ANOS1: variants seen among roughly 807,000 people sequenced by gnomAD.
The protein encoded by ANOS1 is anosmin-1.
A neutral mutation model predicts 59.0 loss-of-function variants in ANOS1; 6 were observed. That is an observed-to-expected ratio of 0.10 (90% CI 0.06 to 0.20). ANOS1 has a LOEUF of 0.20. Among genes scored for constraint, ANOS1 ranks in the 10% least tolerant of loss-of-function variants. ANOS1 has a pLI of 1.00. For missense variants in ANOS1, 433 were observed against 542.3 expected (o/e 0.80, Z 2.00); for synonymous variants, 217 against 223.4 (o/e 0.97, Z 0.25).
chrX:8,682,392 C>G (rs919282584), intron 2 of ANOS1, among the ~76,000 whole-genome samples: 1 of 102,338 alleles, frequency 9.8e-6, no homozygotes, highest in African/African-American at 4.2e-5. Flanking sequence ...ACAAAAGGGA[C>G]TGGAGCAACA....
intron 6 of ANOS1, among the ~76,000 whole-genome samples, chrX:8,574,160 T>G (rs1930280397): frequency 9.0e-6 from 1 of 110,911 alleles, no homozygotes; most frequent in Admixed American, 9.6e-5. Context: ...ATGCTGTTTC[T>G]TGGAGAGGAA....
intron 2 of ANOS1, among the ~76,000 whole-genome samples, chrX:8,633,481 A>C (rs1931523449): frequency 8.9e-6 from 1 of 111,975 alleles, no homozygotes; most frequent in South Asian, 3.8e-4. Flanking sequence ...CCTTCTTTGC[A>C]TTCCTATTTT....
At chrX:8,681,307 A>T (rs774872143) in intron 2 of ANOS1, among the ~76,000 whole-genome samples, 21 of 112,424 alleles carry the variant, frequency 1.9e-4, no homozygotes, top group Admixed American at 7.5e-4. Context: ...GAACCCTGCA[A>T]GGGTAAAAGG....
chrX:8,587,742 G>A (rs1353100635), intron 5 of ANOS1, 52 bp downstream of exon 5: 9 of 1,019,233 alleles, frequency 8.8e-6, no homozygotes, highest in Admixed American at 2.5e-5. Context: ...GCGTAGCTAT[G>A]TAGCAGACAC....
intron 2 of ANOS1, among the ~76,000 whole-genome samples, chrX:8,649,983 G>A (rs1331416906): frequency 8.9e-6 from 1 of 112,876 alleles, no homozygotes; most frequent in African/African-American, 3.2e-5. Flanking sequence ...ACATAAGCTT[G>A]CATCTCACAT....
intron 8 of ANOS1, among the ~76,000 whole-genome samples, chrX:8,561,431 C>T (rs1338852096): frequency 9.5e-6 from 1 of 105,070 alleles, no homozygotes; most frequent in Non-Finnish European, 1.9e-5. Flanking sequence ...TCCAGAGTAG[C>T]TGGGACTACA....
chrX:8,603,765 A>T (rs1006177405), intron 3 of ANOS1, among the ~76,000 whole-genome samples: 1 of 112,365 alleles, frequency 8.9e-6, no homozygotes, highest in African/African-American at 3.2e-5. Flanking sequence ...CCATACGTCA[A>T]TTCTCTAGGA....
Position 8,570,625 on chromosome X carries a change from A to G in ANOS1, c.936T>C (p.Thr312=). The change falls in exon 7 of 14, where the codon ACT becomes ACC. Residue 312 remains threonine (T), a synonymous_variant. Coordinates refer to ENST00000262648, the MANE Select transcript of ANOS1 (RefSeq NM_000216.4). ...TVNSDGSVTV[T]IVWDLPEEPD... ...GCTCCTCGGGGAGATCCCAAACTATAGTGACGGTCACACTCCCATCACTGT... is the reference window on the plus strand; with the variant it reads ...GCTCCTCGGGGAGATCCCAAACTATGGTGACGGTCACACTCCCATCACTGT... 2 of 1,211,290 alleles carry G rather than the reference A, an allele frequency of 1.7e-6. No homozygotes were observed. Among genetic ancestry groups the G allele is most frequent in the South Asian group, 3.5e-5 (2 of 56,900 alleles).
intron 2 of ANOS1, among the ~76,000 whole-genome samples, chrX:8,657,573 A>G (rs756149866): frequency 9.8e-6 from 1 of 101,938 alleles, no homozygotes; most frequent in East Asian, 3.1e-4. Flanking sequence ...GGTTCAAGCG[A>G]CTCTCCTGCC....
At chrX:8,698,184 G>A (rs1932711633) in intron 2 of ANOS1, among the ~76,000 whole-genome samples, 1 of 112,128 alleles carries the variant, frequency 8.9e-6, no homozygotes, top group Admixed American at 9.5e-5. Flanking sequence ...TGACAAAAAG[G>A]ATTGCTTTCT....
At chrX:8,708,595 T>C (rs1372741889) in intron 1 of ANOS1, among the ~76,000 whole-genome samples, 1 of 111,724 alleles carries the variant, frequency 9.0e-6, no homozygotes, top group East Asian at 2.8e-4. Flanking sequence ...ATGGTGATCA[T>C]TAAAAAGTCA....
intron 1 of ANOS1, among the ~76,000 whole-genome samples, chrX:8,703,984 G>A (rs1602034162): frequency 9.0e-6 from 1 of 111,305 alleles, no homozygotes; most frequent in East Asian, 2.8e-4. Context: ...CATGTGATGT[G>A]AGAGGGACCC....
intron 3 of ANOS1, among the ~76,000 whole-genome samples, chrX:8,611,100 A>G (rs1931049053): frequency 1.8e-5 from 2 of 111,073 alleles, no homozygotes; most frequent in South Asian, 3.8e-4. Context: ...AAACATGGAC[A>G]TAGGGAGGAC....
chrX:8,687,697 T>C (rs969347494), intron 2 of ANOS1, among the ~76,000 whole-genome samples: 1 of 110,885 alleles, frequency 9.0e-6, no homozygotes, highest in Admixed American at 9.7e-5. Context: ...CCTAAATTAG[T>C]TGGAAAATAA....
intron 6 of ANOS1, among the ~76,000 whole-genome samples, chrX:8,581,415 G>A (rs778401347): frequency 1.8e-5 from 2 of 111,479 alleles, no homozygotes; most frequent in East Asian, 2.8e-4. Context: ...CCAGTTTTGG[G>A]TATGTCTTTA....
At chrX:8,573,056 A>AT (rs34564264) in intron 6 of ANOS1, among the ~76,000 whole-genome samples, 2,993 of 81,118 alleles carry the variant, frequency 0.037, 222 homozygotes, top group African/African-American at 0.13. Context: ...ACTCTACTGG[A>AT]TTTTTTTTTT....
chrX:8,609,405 C>A (rs979682169), intron 3 of ANOS1, among the ~76,000 whole-genome samples: 4 of 112,014 alleles, frequency 3.6e-5, no homozygotes, highest in African/African-American at 1.3e-4. Context: ...TGCACAAATT[C>A]TGTGTCCTGT....
At chrX:8,607,259 A>T (rs4830596) in intron 3 of ANOS1, among the ~76,000 whole-genome samples, 41,668 of 111,507 alleles carry the variant, frequency 0.37, 5,532 homozygotes, top group South Asian at 0.44. Flanking sequence ...GCTTGGAAGT[A>T]TTATTATAAT....
At chrX:8,699,654 ATTAAAAG>A (rs757602314) in intron 2 of ANOS1, 37 bp downstream of exon 2, 101 of 1,063,272 alleles carry the variant, frequency 9.5e-5, no homozygotes, top group Non-Finnish European at 1.1e-4. Context: ...TTATTCCAAA[ATTAAAAG>A]TTTTTTGCAC....
Sources: gnomAD v4.1 joint callset for allele counts (sites outside exome capture counted in the v4.1 genomes callset) on GRCh38, gnomAD v4.1.1 for gene constraint, MANE v1.5 for transcripts, NCBI Gene and HGNC (gene_info 2026-07-23, HGNC 2026-07-21) for gene names.